The following PAPOLA variants were observed in gnomAD, a reference collection of about 807,000 sequenced individuals.
PAPOLA encodes the protein polynucleotide adenylyltransferase alpha.
Under a neutral mutation model 100.6 loss-of-function variants are expected in PAPOLA, and 15 were observed. That is an observed-to-expected ratio of 0.15 (90% CI 0.10 to 0.23). The LOEUF (loss-of-function observed/expected upper bound fraction) is 0.23, where lower values mean the gene tolerates loss of function less well. Among genes scored for constraint, PAPOLA ranks in the 10% least tolerant of loss-of-function variants. The pLI is 1.00. For missense variants in PAPOLA, 533 were observed against 884.2 expected (o/e 0.60, Z 5.04); for synonymous variants, 293 against 300.0 (o/e 0.98, Z 0.24).
chr14:96,553,821 A>ATTTAAT (rs1454233696), intron 17 of PAPOLA, among the ~76,000 whole-genome samples: 2 of 152,132 alleles, frequency 1.3e-5, no homozygotes. Context: ...CCTGTATTAC[A>ATTTAAT]ATTTAACCAA....
At chr14:96,554,579 G>A (rs1280000162) in intron 17 of PAPOLA, among the ~76,000 whole-genome samples, 2 of 152,170 alleles carry the variant, frequency 1.3e-5, no homozygotes, top group African/African-American at 4.8e-5. Context: ...GTTTCAGAGT[G>A]TGGGTGATAG....
intron 6 of PAPOLA, among the ~76,000 whole-genome samples, chr14:96,530,789 G>T (rs1898936961): frequency 6.6e-6 from 1 of 152,190 alleles, no homozygotes. Context: ...ATAATGAAAG[G>T]ATCCTGGCTT....
intron 1 of PAPOLA, among the ~76,000 whole-genome samples, chr14:96,517,349 G>T (rs1313902358): frequency 6.6e-6 from 1 of 152,146 alleles, no homozygotes; most frequent in African/African-American, 2.4e-5. Context: ...ACTTTGTATT[G>T]TGCACTTGAA....
intron 15 of PAPOLA, among the ~76,000 whole-genome samples, chr14:96,545,638 A>G (rs1900335639): frequency 6.6e-6 from 1 of 152,064 alleles, no homozygotes; most frequent in African/African-American, 2.4e-5. Context: ...ATTGCCAAGT[A>G]GGTTTTTTTG....
At chr14:96,542,579 T>C (rs1244161877) in intron 13 of PAPOLA, 195 bp from the exon 14 acceptor site, 2 of 572,134 alleles carry the variant, frequency 3.5e-6, no homozygotes, top group African/African-American at 3.9e-5. Flanking sequence ...GGATAACTTT[T>C]GTAACCTTGC....
chr14:96,531,567 A>G lies in PAPOLA; in HGVS notation c.588A>G (p.Arg196=), dbSNP rs1362967247. The G allele has an allele frequency of 4.4e-6, 7 of 1,606,218 alleles. No individual in the cohort carries two copies. The highest frequency in any genetic ancestry group is 6.0e-6 in the Non-Finnish European group (7 of 1,174,662). The part of the protein sequence containing the change: ...DDSLLKNLDI[R]CIRSLNGCRV... ...GTCTGCTAAAAAATTTAGATATAAG[A>G]TGTATAAGAAGTCTTAACGGTATGA... The change falls in exon 7 of 22, where the codon AGA becomes AGG. Residue 196 remains arginine, a synonymous_variant. Transcript: ENST00000216277.
chr14:96,529,566 GA>G (rs771041036), intron 6 of PAPOLA, among the ~76,000 whole-genome samples: 5 of 151,542 alleles, frequency 3.3e-5, no homozygotes, highest in Non-Finnish European at 5.9e-5. Flanking sequence ...ACTAAAAATA[GA>G]AAAAATTAGC....
At chr14:96,504,837 TGATGTGTTG>T (rs987605654) in intron 1 of PAPOLA, 4 of 152,238 alleles carry the variant, frequency 2.6e-5, no homozygotes, top group Non-Finnish European at 4.4e-5. Context: ...GTTGTTTTTT[TGATGTGTTG>T]GATTGTGATT....
At position 96,502,554 on chromosome 14, in the gene PAPOLA, C is replaced by T. The variant is rs1896354304; in HGVS notation, c.-39C>T. On this transcript the variant is annotated 5_prime_UTR_variant, in exon 1 of 22. Transcript: ENST00000216277. ...CCCAGGGCGGCAGCGGCGGCGGTTG[C>T]GGGGGGGAAGTGACTGGGCGGTGCC... 2.0e-6 allele frequency: 3 copies of T among 1,513,052 alleles called. No homozygotes were observed. The highest frequency in any genetic ancestry group is 1.8e-6 in the Non-Finnish European group (2 of 1,120,242). 93.7% of individuals were successfully genotyped at this position (1,513,052 alleles called of 1,614,324 possible). A position where few individuals can be genotyped will look rare whatever the true frequency, so the allele number is the denominator to read the frequency against.
intron 1 of PAPOLA, among the ~76,000 whole-genome samples, chr14:96,513,098 T>C (rs1431818360): frequency 6.6e-6 from 1 of 152,242 alleles, no homozygotes; most frequent in Non-Finnish European, 1.5e-5. Flanking sequence ...GGAGTCCCGC[T>C]TGTTGCTCAG....
chr14:96,544,385 T>A, intron 15 of PAPOLA, 127 bp downstream of exon 15: 1 of 599,894 alleles, frequency 1.7e-6, no homozygotes, highest in Non-Finnish European at 3.0e-6. Context: ...ATCATCAGAA[T>A]AATGGTTTTG....
Position 96,525,375 on chromosome 14 carries a change from A to G in PAPOLA, c.315A>G (p.Leu105=). 2 of 1,414,258 alleles carry G rather than the reference A, an allele frequency of 1.4e-6. No homozygotes were observed. The highest frequency in any genetic ancestry group is 2.4e-5 in the South Asian group (2 of 83,716). The allele number at this position is 1,414,258 out of a possible 1,614,324, so 87.6% of individuals were successfully genotyped here. Residue 105 remains leucine (L), a synonymous_variant, in exon 4 of 22, where the codon TTA becomes TTG. Transcript: ENST00000216277. ...GKIFTFGSYR[L]GVHTKGADID... ...TTTTTACATTTGGATCTTACAGATT[A>G]GGAGTGCATACAAAAGGTAAGTATT...
Position 96,536,019 on chromosome 14 carries a change from C to A in PAPOLA, c.1030+20C>A. 1 of 1,562,426 alleles carries A rather than the reference C, an allele frequency of 6.4e-7. No individual in the cohort carries two copies. Among genetic ancestry groups the A allele is most frequent in the Non-Finnish European group, 8.7e-7 (1 of 1,152,774 alleles). On this transcript the variant is annotated intron_variant, in intron 11 of 21. Coordinates refer to ENST00000216277, the MANE Select transcript of PAPOLA (RefSeq NM_032632.5). The stretch of plus-strand genomic sequence containing the variant: ...AACAAGGTAAGTGTTTATCCTTATG[C>A]TCTGATTTATACAGGAAGGATTTAC...
chr14:96,514,949 T>C (rs1897352120), intron 1 of PAPOLA, among the ~76,000 whole-genome samples: 1 of 152,164 alleles, frequency 6.6e-6, no homozygotes, highest in Admixed American at 6.5e-5. Context: ...GTTTTTGAGT[T>C]GAGACCAGAC....
In PAPOLA at chr14:96,560,727, CT is replaced by C; in HGVS notation, c.2067+19del. On this transcript the variant is annotated intron_variant, in intron 20 of 21. Coordinates refer to ENST00000216277, the MANE Select transcript of PAPOLA (RefSeq NM_032632.5). ...AGAAGCAAAGGTATACTAATTTAGC[CT>C]TTAGAATACATACACAATTAAGAGT... 1 of 1,452,952 alleles carries C rather than the reference CT, an allele frequency of 6.9e-7. No individual in the cohort carries two copies. The highest frequency in any genetic ancestry group is 9.6e-7 in the Non-Finnish European group (1 of 1,037,592). The allele number at this position is 1,452,952 out of a possible 1,614,324, so 90.0% of individuals were successfully genotyped here.
At chr14:96,516,618 C>T (rs1257451649) in intron 1 of PAPOLA, among the ~76,000 whole-genome samples, 1 of 152,148 alleles carries the variant, frequency 6.6e-6, no homozygotes, top group African/African-American at 2.4e-5. Flanking sequence ...GGATTATATG[C>T]ATGAGCCATG....
Position 96,530,418 on chromosome 14 carries a change from T to G in PAPOLA, c.496-1057T>G, listed in dbSNP as rs371925651. Among the ~76,000 whole-genome samples the G allele has an allele frequency of 5.5e-4, 83 of 149,552 alleles. 1 individual carries two copies. The highest frequency in any genetic ancestry group is 5.3e-3 in the East Asian group (27 of 5,052). ...TCTTTTTTTTTTTTCTGAGGCAGGG[T>G]CTTACTTTACCCAGGCTAGAGGCAG... On this transcript the variant is annotated intron_variant, in intron 6 of 21. Transcript: ENST00000216277.
chr14:96,536,603 A>G (rs1305499392), intron 11 of PAPOLA, among the ~76,000 whole-genome samples: 1 of 152,072 alleles, frequency 6.6e-6, no homozygotes, highest in Non-Finnish European at 1.5e-5. Flanking sequence ...AAAGAGGCCC[A>G]TCAAGGGAAG....
At chr14:96,516,735 A>G (rs1897499674) in intron 1 of PAPOLA, among the ~76,000 whole-genome samples, 1 of 152,256 alleles carries the variant, frequency 6.6e-6, no homozygotes, top group Non-Finnish European at 1.5e-5. Context: ...TTTGGAATAA[A>G]GTAAATAAAA....
Sources: allele counts gnomAD v4.1 joint callset (sites outside exome capture counted in the v4.1 genomes callset), GRCh38; gene constraint gnomAD v4.1.1; transcripts MANE v1.5; gene names NCBI Gene and HGNC (gene_info 2026-07-23, HGNC 2026-07-21).